The following OR4X2 variants were observed in gnomAD, a reference collection of about 807,000 sequenced individuals.
The protein encoded by OR4X2 is olfactory receptor family 4 subfamily X member 2.
For missense variants in OR4X2, 554 were observed against 359.5 expected, an observed-to-expected ratio of 1.54 and a Z score of -4.38; for synonymous variants, 205 against 136.6, an observed-to-expected ratio of 1.50 and a Z score of -3.49.
rs374038523 is a variant in OR4X2, at chr11:48,245,684, A to T, written c.581A>T (p.Asn194Ile). The change falls in exon 1 of 1, where the codon AAT becomes ATT. Residue 194 changes from asparagine (N) to isoleucine (I), a missense_variant. Asn to Ile is a moderately radical substitution (Grantham distance 149). Coordinates refer to ENST00000624868, the MANE Select transcript of OR4X2 (RefSeq NM_001004727.1). Reference protein sequence around the residue: ...TFLIGLLIVANGGTLSVISFG... With the variant: ...TFLIGLLIVAIGGTLSVISFG... ...CTCATTGGTCTGCTGATTGTTGCCA[A>T]TGGAGGCACCCTGTCTGTGATCAGT... The T allele has an allele frequency of 1.9e-6, 3 of 1,613,908 alleles. No individual in the cohort carries two copies.
At position 48,245,469 on chromosome 11, in the gene OR4X2, C is replaced by T. The variant is rs141662293; in HGVS notation, c.366C>T (p.Leu122=). Residue 122 remains leucine (L), a synonymous_variant, in exon 1 of 1, where the codon CTC becomes CTT. Coordinates refer to ENST00000624868, the MANE Select transcript of OR4X2 (RefSeq NM_001004727.1). ...ACTATGTGGCCATCTGCAAGCCCCT[C>T]AGCTACACCACCATCATGAACTGGC... ...YDHYVAICKP[L]SYTTIMNWQV... The T allele has an allele frequency of 3.1e-6, 5 of 1,614,084 alleles. No individual in the cohort carries two copies. In the Admixed American group the frequency reaches 5.0e-5, roughly 16 times the overall value.
rs137973905 is a variant in OR4X2, at chr11:48,245,280, C to G, written c.177C>G (p.Ser59=). 2.9e-5 allele frequency: 47 copies of G among 1,614,148 alleles called. No individual in the cohort carries two copies. The highest frequency in any genetic ancestry group is 3.6e-5 in the Non-Finnish European group (42 of 1,180,036). The change falls in exon 1 of 1, where the codon TCC becomes TCG. Residue 59 remains serine, a synonymous_variant. Coordinates refer to ENST00000624868, the MANE Select transcript of OR4X2 (RefSeq NM_001004727.1). The stretch of plus-strand genomic sequence containing the variant: ...TGTACTTCTTCCTCAGCTACCTCTC[C>G]TTCATGGAGATCTGCTACTCCTCCG... ...SPMYFFLSYL[S]FMEICYSSAT... is the part of the protein sequence containing the mutation.
In OR4X2 at chr11:48,245,510, T is replaced by G. The variant is rs770237801; in HGVS notation, c.407T>G (p.Leu136Arg). ...ATGAACTGGCAGGTGTGTACTGTCC[T>G]TGTAGGAATAGCATGGGTGGGAGGC... ...TIMNWQVCTV[L>R]VGIAWVGGFM... The change falls in exon 1 of 1, where the codon CTT becomes CGT. Residue 136 changes from leucine to arginine, a missense_variant. By Grantham distance (102) the Leu-to-Arg change is moderately radical. Coordinates refer to ENST00000624868, the MANE Select transcript of OR4X2 (RefSeq NM_001004727.1). The G allele has an allele frequency of 8.1e-6, 13 of 1,614,064 alleles. No individual in the cohort carries two copies. Among genetic ancestry groups the G allele is most frequent in the Non-Finnish European group, 1.1e-5 (13 of 1,180,034 alleles).
At position 48,245,875 on chromosome 11, in the gene OR4X2, C is replaced by T. The variant is rs1859067027; in HGVS notation, c.772C>T (p.Pro258Ser). Residue 258 changes from proline to serine, a missense_variant, in exon 1 of 1, where the codon CCC becomes TCC. Transcript: ENST00000624868. ...CTCTCTGAGGCCTTCTACCACTCTG[C>T]CCATAGACAAGATGGTGGCTGTGTT... Reference protein sequence around the residue: ...FNSLRPSTTLPIDKMVAVFYT... With the variant: ...FNSLRPSTTLSIDKMVAVFYT... The T allele has an allele frequency of 3.1e-6, 5 of 1,614,078 alleles. No individual in the cohort carries two copies. Among genetic ancestry groups the T allele is most frequent in the African/African-American group, 1.3e-5 (1 of 75,032 alleles).
In OR4X2 at chr11:48,245,724, A is replaced by T. The variant is rs1250743673; in HGVS notation, c.621A>T (p.Leu207Phe). 1.9e-6 allele frequency: 3 copies of T among 1,614,068 alleles called. No homozygotes were observed. The South Asian group carries it at 3.3e-5, about 18-fold the overall frequency. The change falls in exon 1 of 1, where the codon TTA (leucine) becomes TTT (phenylalanine). Residue 207 changes from leucine to phenylalanine, a missense_variant. Coordinates refer to ENST00000624868, the MANE Select transcript of OR4X2 (RefSeq NM_001004727.1). ...CTGTGATCAGTTTTGGGGTCCTCTT[A>T]GCATCCTATATGGTCATCTTGCTCC... ...TLSVISFGVL[L>F]ASYMVILLHL...
chr11:48,245,634 C>T lies in OR4X2; in HGVS notation c.531C>T (p.Leu177=). The change falls in exon 1 of 1, where the codon CTC becomes CTT. Residue 177 remains leucine, a synonymous_variant. Transcript: ENST00000624868. ...NHYFCDLVPL[L]KLACSDTFLI... is the part of the protein sequence containing the mutation. ...ATTTCTGTGACCTAGTTCCCCTTCT[C>T]AAACTTGCCTGCTCTGACACCTTCC... 3.1e-6 allele frequency: 5 copies of T among 1,614,158 alleles called. No homozygotes were observed. Among genetic ancestry groups the T allele is most frequent in the Non-Finnish European group, 4.2e-6 (5 of 1,180,002 alleles).
Position 48,245,229 on chromosome 11 carries a change from G to A in OR4X2, c.126G>A (p.Met42Ile). The A allele has an allele frequency of 3.1e-6, 5 of 1,614,098 alleles. No individual in the cohort carries two copies. Among genetic ancestry groups the A allele is most frequent in the Non-Finnish European group, 4.2e-6 (5 of 1,180,014 alleles). ...LGNFLIVLTVMTSRSLGSPMY... is the reference protein window; with the variant it reads ...LGNFLIVLTVITSRSLGSPMY... ...ATTTCCTCATTGTGCTCACTGTCAT[G>A]ACCAGCAGAAGCCTTGGTTCCCCCA... The change falls in exon 1 of 1, where the codon ATG becomes ATA. Residue 42 changes from methionine (M) to isoleucine (I), a missense_variant. Met to Ile is a conservative substitution (Grantham distance 10, BLOSUM62 1). Coordinates refer to ENST00000624868, the MANE Select transcript of OR4X2 (RefSeq NM_001004727.1).
At position 48,245,729 on chromosome 11, in the gene OR4X2, C is replaced by G; in HGVS notation, c.626C>G (p.Ser209Cys). 6.2e-7 allele frequency: 1 copy of G among 1,614,084 alleles called. No individual in the cohort carries two copies. The highest frequency in any genetic ancestry group is 8.5e-7 in the Non-Finnish European group (1 of 1,180,002). The stretch of plus-strand genomic sequence containing the variant: ...ATCAGTTTTGGGGTCCTCTTAGCAT[C>G]CTATATGGTCATCTTGCTCCATCTG... ...SVISFGVLLA[S>C]YMVILLHLRT... Residue 209 changes from serine (S) to cysteine (C), a missense_variant, in exon 1 of 1, where the codon TCC (serine) becomes TGC (cysteine). Physicochemically the swap from Ser to Cys is moderately radical, Grantham distance 112. Transcript: ENST00000624868.
In OR4X2 at chr11:48,245,231, C is replaced by T; in HGVS notation, c.128C>T (p.Thr43Ile). Residue 43 changes from threonine (T) to isoleucine (I), a missense_variant, in exon 1 of 1, where the codon ACC becomes ATC. By Grantham distance (89) the Thr-to-Ile change is moderately conservative. Transcript: ENST00000624868. The stretch of plus-strand genomic sequence containing the variant: ...TTCCTCATTGTGCTCACTGTCATGA[C>T]CAGCAGAAGCCTTGGTTCCCCCATG... ...GNFLIVLTVM[T>I]SRSLGSPMYF... 6.2e-7 allele frequency: 1 copy of T among 1,614,152 alleles called. No individual in the cohort carries two copies. The highest frequency in any genetic ancestry group is 1.1e-5 in the South Asian group (1 of 91,074).
chr11:48,245,788 C>G lies in OR4X2; in HGVS notation c.685C>G (p.Leu229Val). The G allele has an allele frequency of 6.2e-7, 1 of 1,614,092 alleles. No homozygotes were observed. Among genetic ancestry groups the G allele is most frequent in the Non-Finnish European group, 8.5e-7 (1 of 1,180,010 alleles). Residue 229 changes from leucine to valine, a missense_variant, in exon 1 of 1, where the codon CTC becomes GTC. By Grantham distance (32) the Leu-to-Val change is conservative. Transcript: ENST00000624868. ...GAGCTCTGAAGGGTGGTGCAAAGCCCTCTCCACCTGTGGGTCCCATTTCGC... is the reference window on the plus strand; with the variant it reads ...GAGCTCTGAAGGGTGGTGCAAAGCCGTCTCCACCTGTGGGTCCCATTTCGC... The part of the protein sequence containing the change: ...TWSSEGWCKA[L>V]STCGSHFAVV...
In OR4X2 at chr11:48,245,620, C is replaced by T. The variant is rs781483046; in HGVS notation, c.517C>T (p.Leu173=). The change falls in exon 1 of 1, where the codon CTA becomes TTA. Residue 173 remains leucine (L), a synonymous_variant. Coordinates refer to ENST00000624868, the MANE Select transcript of OR4X2 (RefSeq NM_001004727.1). ...TGTGATCAATCACTATTTCTGTGAC[C>T]TAGTTCCCCTTCTCAAACTTGCCTG... is the stretch of plus-strand genomic sequence containing the variant. ...PNVINHYFCD[L]VPLLKLACSD... The T allele has an allele frequency of 2.5e-6, 4 of 1,614,026 alleles. No homozygotes were observed. In the South Asian group the frequency reaches 3.3e-5, roughly 13 times the overall value.
At position 48,245,796 on chromosome 11, in the gene OR4X2, C is replaced by T; in HGVS notation, c.693C>T (p.Thr231=). The T allele has an allele frequency of 6.2e-7, 1 of 1,614,086 alleles. No individual in the cohort carries two copies. The highest frequency in any genetic ancestry group is 8.5e-7 in the Non-Finnish European group (1 of 1,180,014). ...AAGGGTGGTGCAAAGCCCTCTCCAC[C>T]TGTGGGTCCCATTTCGCTGTGGTTA... ...SSEGWCKALS[T]CGSHFAVVIL... is the part of the protein sequence containing the mutation. Residue 231 remains threonine (T), a synonymous_variant, in exon 1 of 1, where the codon ACC becomes ACT. Transcript: ENST00000624868.
chr11:48,245,583 C>T lies in OR4X2; in HGVS notation c.480C>T (p.Phe160=), dbSNP rs1234145678. The T allele has an allele frequency of 6.2e-7, 1 of 1,614,178 alleles. No homozygotes were observed. The change falls in exon 1 of 1, where the codon TTC becomes TTT. Residue 160 remains phenylalanine, a synonymous_variant. Coordinates refer to ENST00000624868, the MANE Select transcript of OR4X2 (RefSeq NM_001004727.1). ...AQILLIFHLL[F]CGPNVINHYF... ...TCCTTCTCATCTTCCACCTGCTCTT[C>T]TGTGGCCCCAATGTGATCAATCACT... is the stretch of plus-strand genomic sequence containing the variant.
In OR4X2 at chr11:48,245,933, T is replaced by C. The variant is rs1859068254; in HGVS notation, c.830T>C (p.Val277Ala). Residue 277 changes from valine (V) to alanine (A), a missense_variant, in exon 1 of 1, where the codon GTC (valine) becomes GCC (alanine). By Grantham distance (64) the Val-to-Ala change is moderately conservative. Transcript: ENST00000624868. ...YTVITAILNP[V>A]IYSLRNAEMR... ...GTGATAACCGCGATCCTGAACCCTG[T>C]CATCTACTCTCTGAGAAATGCTGAA... 1 of 1,613,988 alleles carries C rather than the reference T, an allele frequency of 6.2e-7. No homozygotes were observed. Among genetic ancestry groups the C allele is most frequent in the African/African-American group, 1.3e-5 (1 of 74,920 alleles).
rs1417969869 is a variant in OR4X2 at position 48,245,761 on chromosome 11, T to C, written c.658T>C (p.Trp220Arg). ...YMVILLHLRT[W>R]SSEGWCKALS... The stretch of plus-strand genomic sequence containing the variant: ...GGTCATCTTGCTCCATCTGAGAACC[T>C]GGAGCTCTGAAGGGTGGTGCAAAGC... Residue 220 changes from tryptophan (W) to arginine (R), a missense_variant, in exon 1 of 1, where the codon TGG (tryptophan) becomes CGG (arginine). Coordinates refer to ENST00000624868, the MANE Select transcript of OR4X2 (RefSeq NM_001004727.1). The C allele has an allele frequency of 1.2e-6, 2 of 1,614,022 alleles. No homozygotes were observed. Among genetic ancestry groups the C allele is most frequent in the African/African-American group, 2.7e-5 (2 of 74,918 alleles).
rs746420613 is a variant in OR4X2 at position 48,245,153 on chromosome 11, G to C, written c.50G>C (p.Arg17Thr). The C allele has an allele frequency of 6.2e-7, 1 of 1,614,094 alleles. No individual in the cohort carries two copies. The highest frequency in any genetic ancestry group is 8.5e-7 in the Non-Finnish European group (1 of 1,179,982). The change falls in exon 1 of 1, where the codon AGG (arginine) becomes ACG (threonine). Residue 17 changes from arginine to threonine, a missense_variant. Coordinates refer to ENST00000624868, the MANE Select transcript of OR4X2 (RefSeq NM_001004727.1). ...CTTTCTCCCAACCAGGAGGTGCAGA[G>C]GGTTTGCTTTGTGATATTTCTGTTC... is the stretch of plus-strand genomic sequence containing the variant. ...LVLSPNQEVQ[R>T]VCFVIFLFLY...
Position 48,245,187 on chromosome 11 carries a change from A to G in OR4X2, c.84A>G (p.Thr28=). Reference sequence around the variant, plus strand: ...TTGTGATATTTCTGTTCTTGTACACAGCAATTGTGCTGGGGAATTTCCTCA... The same window carrying G: ...TTGTGATATTTCTGTTCTTGTACACGGCAATTGTGCTGGGGAATTTCCTCA... ...VCFVIFLFLY[T]AIVLGNFLIV... Residue 28 remains threonine (T), a synonymous_variant, in exon 1 of 1, where the codon ACA becomes ACG. Coordinates refer to ENST00000624868, the MANE Select transcript of OR4X2 (RefSeq NM_001004727.1). 1 of 1,614,132 alleles carries G rather than the reference A, an allele frequency of 6.2e-7. No homozygotes were observed. The highest frequency in any genetic ancestry group is 8.5e-7 in the Non-Finnish European group (1 of 1,180,016).
In OR4X2 at chr11:48,245,800, G is replaced by A; in HGVS notation, c.697G>A (p.Gly233Arg). Reference protein sequence around the residue: ...EGWCKALSTCGSHFAVVILFF... With the variant: ...EGWCKALSTCRSHFAVVILFF... The stretch of plus-strand genomic sequence containing the variant: ...GTGGTGCAAAGCCCTCTCCACCTGT[G>A]GGTCCCATTTCGCTGTGGTTATCTT... Residue 233 changes from glycine to arginine, a missense_variant, in exon 1 of 1, where the codon GGG (glycine) becomes AGG (arginine). Physicochemically the swap from Gly to Arg is moderately radical, Grantham distance 125. Coordinates refer to ENST00000624868, the MANE Select transcript of OR4X2 (RefSeq NM_001004727.1). 1 of 1,614,044 alleles carries A rather than the reference G, an allele frequency of 6.2e-7. No individual in the cohort carries two copies. Among genetic ancestry groups the A allele is most frequent in the Non-Finnish European group, 8.5e-7 (1 of 1,180,022 alleles).
chr11:48,245,145 G>A lies in OR4X2; in HGVS notation c.42G>A (p.Glu14=), dbSNP rs1316884370. ...FIFLVLSPNQ[E]VQRVCFVIFL... ...TTCTGGTACTTTCTCCCAACCAGGA[G>A]GTGCAGAGGGTTTGCTTTGTGATAT... The change falls in exon 1 of 1, where the codon GAG becomes GAA. Residue 14 remains glutamate (E), a synonymous_variant. Coordinates refer to ENST00000624868, the MANE Select transcript of OR4X2 (RefSeq NM_001004727.1). The A allele has an allele frequency of 1.9e-6, 3 of 1,613,834 alleles. No homozygotes were observed. Among genetic ancestry groups the A allele is most frequent in the African/African-American group, 1.3e-5 (1 of 74,908 alleles).
Sources: gnomAD v4.1 joint callset for allele counts on GRCh38, gnomAD v4.1.1 for gene constraint, MANE v1.5 for transcripts, NCBI Gene and HGNC (gene_info 2026-07-23, HGNC 2026-07-21) for gene names.